NTM: variants seen among roughly 807,000 people sequenced by gnomAD.
NTM encodes IgLON family member 2.
Under a neutral mutation model 42.1 loss-of-function variants are expected in NTM, and 13 were observed. That is an observed-to-expected ratio of 0.31 (90% CI 0.20 to 0.49). The LOEUF is 0.49. Among genes scored for constraint, NTM ranks in the 20% least tolerant of loss-of-function variants. NTM has a pLI of 0.99. For synonymous variants in NTM, 187 were observed against 179.2 expected, an observed-to-expected ratio of 1.04 and a Z score of -0.35; for missense variants, 373 against 452.8, an observed-to-expected ratio of 0.82 and a Z score of 1.60.
chr11:131,602,873 A>G (rs565120501), intron 1 of NTM, among the ~76,000 whole-genome samples: 1 of 152,150 alleles, frequency 6.6e-6, no homozygotes, highest in Admixed American at 6.5e-5. Flanking sequence ...CTTTTCTTTC[A>G]CTTACCACCT....
intron 1 of NTM, among the ~76,000 whole-genome samples, chr11:131,736,911 G>T (rs375333753): frequency 6.6e-6 from 1 of 152,122 alleles, no homozygotes; most frequent in African/African-American, 2.4e-5. Flanking sequence ...TGTCACATAC[G>T]TTTACTTTAA....
chr11:131,438,779 T>C (rs1949358376), intron 1 of NTM, among the ~76,000 whole-genome samples: 1 of 152,254 alleles, frequency 6.6e-6, no homozygotes, highest in South Asian at 2.1e-4. Context: ...TGAAGGCTAC[T>C]TCTGTCAGCT....
At chr11:131,852,677 G>A (rs1418486677) in intron 1 of NTM, among the ~76,000 whole-genome samples, 1 of 152,124 alleles carries the variant, frequency 6.6e-6, no homozygotes, top group Non-Finnish European at 1.5e-5. Context: ...GAATAGATCA[G>A]CTCACTTTGA....
rs1035628325 is a variant in NTM at position 132,066,345 on chromosome 11, T to A, written c.168-79937T>A. Among the ~76,000 whole-genome samples, 23 of 152,202 alleles carry A rather than the reference T, an allele frequency of 1.5e-4. 1 individual carries two copies. Among genetic ancestry groups the A allele is most frequent in the Admixed American group, 1.4e-3 (22 of 15,286 alleles). On this transcript the variant is annotated intron_variant, in intron 2 of 8. Coordinates refer to ENST00000683400, the MANE Select transcript of NTM (RefSeq NM_001352005.2). ...CGTCTTTATTGTTGTCAGCCATCCCTGTATTAGAGCTAGCTGGATATTCAT... is the reference window on the plus strand; with the variant it reads ...CGTCTTTATTGTTGTCAGCCATCCCAGTATTAGAGCTAGCTGGATATTCAT...
intron 1 of NTM, among the ~76,000 whole-genome samples, chr11:131,394,815 T>C (rs1336522745): frequency 6.6e-6 from 1 of 152,168 alleles, no homozygotes; most frequent in Non-Finnish European, 1.5e-5. Context: ...GATAAGTTGG[T>C]CAATTCACTC....
intron 1 of NTM, among the ~76,000 whole-genome samples, chr11:131,884,807 G>T (rs1022283906): frequency 5.3e-5 from 8 of 152,282 alleles, no homozygotes; most frequent in Middle Eastern, 3.4e-3. Flanking sequence ...ACTTCTGTAC[G>T]GGGAAAGAAG....
chr11:132,059,077 C>A (rs1790165), intron 2 of NTM, among the ~76,000 whole-genome samples: 60,950 of 152,048 alleles, frequency 0.4, 12,610 homozygotes, highest in South Asian at 0.49. Flanking sequence ...AGAAAAGAAA[C>A]CCCACTCTGG....
At chr11:131,777,298 A>G (rs2087186109) in intron 1 of NTM, among the ~76,000 whole-genome samples, 1 of 152,176 alleles carries the variant, frequency 6.6e-6, no homozygotes, top group African/African-American at 2.4e-5. Context: ...AGATACCCAT[A>G]CACATACATC....
At chr11:131,765,366 C>T (rs914039072) in intron 1 of NTM, among the ~76,000 whole-genome samples, 6 of 152,178 alleles carry the variant, frequency 3.9e-5, no homozygotes, top group Admixed American at 2.6e-4. Context: ...CAGACCAGGG[C>T]GCCACACCTT....
intron 5 of NTM, among the ~76,000 whole-genome samples, chr11:132,309,726 A>C (rs2095219831): frequency 6.6e-6 from 1 of 152,120 alleles, no homozygotes; most frequent in Non-Finnish European, 1.5e-5. Flanking sequence ...CAGGGCAGAG[A>C]CTGAGAAACA....
At chr11:131,880,140 A>T (rs1432213042) in intron 1 of NTM, among the ~76,000 whole-genome samples, 3 of 152,192 alleles carry the variant, frequency 2.0e-5, no homozygotes, top group Non-Finnish European at 4.4e-5. Context: ...AAATGGCTAA[A>T]TCTCTTCCGA....
chr11:131,936,173 CAT>C (rs1229976365), intron 2 of NTM, among the ~76,000 whole-genome samples: 1 of 152,106 alleles, frequency 6.6e-6, no homozygotes, highest in Non-Finnish European at 1.5e-5. Context: ...TCAAGTGAGC[CAT>C]ATGTTTTAAG....
At chr11:131,694,352 G>A (rs2075167265) in intron 1 of NTM, among the ~76,000 whole-genome samples, 1 of 152,132 alleles carries the variant, frequency 6.6e-6, no homozygotes, top group African/African-American at 2.4e-5. Flanking sequence ...AGTCTCCACG[G>A]GCAGCACTGT....
At chr11:131,621,224 T>A (rs183406460) in intron 1 of NTM, among the ~76,000 whole-genome samples, 98 of 152,340 alleles carry the variant, frequency 6.4e-4, no homozygotes, top group African/African-American at 2.3e-3. Context: ...AGAGTCTTGC[T>A]TGTTTACACT....
chr11:131,443,166 T>C (rs1386085352), intron 1 of NTM, among the ~76,000 whole-genome samples: 1 of 152,174 alleles, frequency 6.6e-6, no homozygotes, highest in East Asian at 1.9e-4. Flanking sequence ...TAAGCTAGAT[T>C]TGCTGCAGTG....
intron 1 of NTM, among the ~76,000 whole-genome samples, chr11:131,890,516 T>G (rs1388134865): frequency 6.6e-6 from 1 of 152,222 alleles, no homozygotes; most frequent in Non-Finnish European, 1.5e-5. Flanking sequence ...AGCGCTCTCC[T>G]TTTTTGTAAG....
At chr11:131,762,904 C>T (rs1306655391) in intron 1 of NTM, among the ~76,000 whole-genome samples, 3 of 152,204 alleles carry the variant, frequency 2.0e-5, no homozygotes, top group South Asian at 2.1e-4. Flanking sequence ...CCATTGTCAC[C>T]GCTGAGCGAT....
intron 1 of NTM, among the ~76,000 whole-genome samples, chr11:131,387,569 AG>A (rs1465359507): frequency 2.0e-5 from 3 of 152,240 alleles, no homozygotes; most frequent in Non-Finnish European, 4.4e-5. Flanking sequence ...ATAGCAGAAG[AG>A]GGTGCCTTTA....
chr11:131,439,436 G>A (rs1352423161), intron 1 of NTM, among the ~76,000 whole-genome samples: 1 of 152,226 alleles, frequency 6.6e-6, no homozygotes, highest in African/African-American at 2.4e-5. Context: ...GAGGCAGTTG[G>A]TCTTTCTGAG....
Sources: allele counts gnomAD v4.1 joint callset (sites outside exome capture counted in the v4.1 genomes callset), GRCh38; gene constraint gnomAD v4.1.1; transcripts MANE v1.5; gene names NCBI Gene and HGNC (gene_info 2026-07-23, HGNC 2026-07-21).